CALD1: variants seen among roughly 807,000 people sequenced by gnomAD.
CALD1 encodes caldesmon 1, also known as caldesmon.
CALD1 carries 33 observed loss-of-function variants against 99.9 expected under a neutral mutation model. The observed-to-expected ratio is 0.33, with a 90% CI of 0.25 to 0.44. The LOEUF (loss-of-function observed/expected upper bound fraction) is 0.44, where lower values mean the gene tolerates loss of function less well. Ranked by LOEUF, CALD1 falls within the 20% of genes least tolerant of loss-of-function variation. The probability of loss-of-function intolerance (pLI) is 1.00; values close to 1 mark genes in which losing one functional copy is unlikely to be tolerated. For synonymous variants in CALD1, 310 were observed against 325.0 expected (o/e 0.95, Z 0.50); for missense variants, 861 against 962.1 (o/e 0.89, Z 1.39).
At chr7:134,949,633 GC>G (rs1395892823) in intron 8 of CALD1, among the ~76,000 whole-genome samples, 1 of 152,142 alleles carries the variant, frequency 6.6e-6, no homozygotes, top group Non-Finnish European at 1.5e-5. Context: ...GATTTAGATA[GC>G]TTTTCACATA....
At chr7:134,883,872 C>T (rs1175430377) in intron 3 of CALD1, among the ~76,000 whole-genome samples, 1 of 152,080 alleles carries the variant, frequency 6.6e-6, no homozygotes, top group African/African-American at 2.4e-5. Flanking sequence ...CTTTGGGAGG[C>T]CGAGGCGGGT....
chr7:134,799,474 C>A (rs1797865806), intron 1 of CALD1, among the ~76,000 whole-genome samples: 1 of 152,152 alleles, frequency 6.6e-6, no homozygotes, highest in Non-Finnish European at 1.5e-5. Context: ...TTGGTCTTTC[C>A]TGTTCCACAT....
At chr7:134,714,835 AT>A in the CALD1 span, among the ~76,000 whole-genome samples, 105 of 152,292 alleles carry the variant, frequency 6.9e-4, no homozygotes, top group Middle Eastern at 0.01. Context: ...GTAAACTGTC[AT>A]GGCACTGGCA....
chr7:134,766,605 A>G (rs1463680549), intron 1 of CALD1, among the ~76,000 whole-genome samples: 1 of 152,224 alleles, frequency 6.6e-6, no homozygotes, highest in Non-Finnish European at 1.5e-5. Flanking sequence ...GCAGCTTCAT[A>G]TGCATTTTAT....
intron 2 of CALD1, among the ~76,000 whole-genome samples, chr7:134,860,620 GA>G (rs1347883818): frequency 6.6e-6 from 1 of 152,164 alleles, no homozygotes; most frequent in Non-Finnish European, 1.5e-5. Context: ...CTCAATTGTG[GA>G]AAAATTTTTT....
intron 3 of CALD1, among the ~76,000 whole-genome samples, chr7:134,902,018 T>A (rs1028745819): frequency 1.3e-5 from 2 of 152,108 alleles, no homozygotes; most frequent in Non-Finnish European, 1.5e-5. Context: ...TGAGTATACA[T>A]ACTTCTAGAT....
At position 134,824,445 on chromosome 7, in the gene CALD1, CCTCCTTCTT is replaced by C. The variant is rs200603777; in HGVS notation, c.-129-19421_-129-19413del. 6.1e-3 allele frequency among the ~76,000 whole-genome samples: 925 copies of C among 152,032 alleles called. 5 individuals carry two copies. The highest frequency in any genetic ancestry group is 0.01 in the Non-Finnish European group (687 of 67,940). On this transcript the variant is annotated intron_variant, in intron 1 of 14. Coordinates refer to ENST00000361675, the MANE Select transcript of CALD1 (RefSeq NM_033138.4). ...ACAATCTTTACTTTTCTTTCCTCCT[CCTCCTTCTT>C]CTCCTTCTTCTCCTTCTCCTTCTTC...
intron 1 of CALD1, among the ~76,000 whole-genome samples, chr7:134,812,181 G>A (rs61445731): frequency 6.6e-6 from 1 of 152,126 alleles, no homozygotes; most frequent in Non-Finnish European, 1.5e-5. Flanking sequence ...ATTTTTTGGA[G>A]AACAAATTGT....
At chr7:134,748,760 A>G (rs1373906588) in intron 1 of CALD1, among the ~76,000 whole-genome samples, 1 of 144,734 alleles carries the variant, frequency 6.9e-6, no homozygotes, top group Non-Finnish European at 1.5e-5. Context: ...GAATTTGGGT[A>G]GAGGCAAGGG....
At chr7:134,780,141 A>C (rs1797046807) in intron 1 of CALD1, among the ~76,000 whole-genome samples, 2 of 152,246 alleles carry the variant, frequency 1.3e-5, no homozygotes, top group Admixed American at 1.3e-4. Flanking sequence ...TTATTGCCAA[A>C]GATTTGAAGA....
chr7:134,846,814 C>T (rs1294693120), intron 2 of CALD1, among the ~76,000 whole-genome samples: 1 of 152,210 alleles, frequency 6.6e-6, no homozygotes, highest in Non-Finnish European at 1.5e-5. Flanking sequence ...CCACACTTTC[C>T]TCTTTGTGTT....
chr7:134,890,592 C>G lies in CALD1; in HGVS notation c.71+22788C>G, dbSNP rs544125595. On this transcript the variant is annotated intron_variant, in intron 3 of 14. Coordinates refer to ENST00000361675, the MANE Select transcript of CALD1 (RefSeq NM_033138.4). ...TACCCAAATACCAGTCTGTTTAGTG[C>G]TCATTAGAGATGAAGAACCATATTC... Among the ~76,000 whole-genome samples the G allele has an allele frequency of 3.3e-5, 5 of 152,290 alleles. No individual in the cohort carries two copies. In the East Asian group the frequency reaches 5.8e-4, roughly 18 times the overall value.
At chr7:134,805,532 T>C (rs1468790244) in intron 1 of CALD1, among the ~76,000 whole-genome samples, 2 of 152,168 alleles carry the variant, frequency 1.3e-5, no homozygotes, top group African/African-American at 4.8e-5. Context: ...GCCCCTGCCT[T>C]ATCTGAGTTT....
chr7:134,747,460 A>G (rs1562987853), intron 1 of CALD1, among the ~76,000 whole-genome samples: 1 of 152,226 alleles, frequency 6.6e-6, no homozygotes, highest in Non-Finnish European at 1.5e-5. Context: ...AGGGTGGACT[A>G]TGTATTTCTG....
At chr7:134,810,254 C>T (rs978936159) in intron 1 of CALD1, among the ~76,000 whole-genome samples, 16 of 152,046 alleles carry the variant, frequency 1.1e-4, no homozygotes, top group Non-Finnish European at 8.8e-5. Flanking sequence ...AATCAGTGGT[C>T]GGAGATAGCA....
chr7:134,895,205 T>C (rs1802476578), intron 3 of CALD1, among the ~76,000 whole-genome samples: 1 of 152,038 alleles, frequency 6.6e-6, no homozygotes, highest in Non-Finnish European at 1.5e-5. Flanking sequence ...TATTGAGATT[T>C]GTCAAAAGTT....
At chr7:134,895,298 ATGTGTGTG>A (rs71172482) in intron 3 of CALD1, among the ~76,000 whole-genome samples, 15,081 of 138,646 alleles carry the variant, frequency 0.11, 809 homozygotes, top group African/African-American at 0.13. Flanking sequence ...TTATATATGT[ATGTGTGTG>A]TGTGTGTGTG....
intron 1 of CALD1, among the ~76,000 whole-genome samples, chr7:134,806,117 T>G (rs577829897): frequency 6.6e-6 from 1 of 152,222 alleles, no homozygotes; most frequent in Non-Finnish European, 1.5e-5. Flanking sequence ...GTCAACATTC[T>G]GAGAAGTCTT....
chr7:134,853,099 AG>A (rs1800147470), intron 2 of CALD1, among the ~76,000 whole-genome samples: 1 of 152,212 alleles, frequency 6.6e-6, no homozygotes, highest in Non-Finnish European at 1.5e-5. Context: ...AGCTGCATGA[AG>A]TTAATGTCTT....
Sources: allele counts gnomAD v4.1 joint callset (sites outside exome capture counted in the v4.1 genomes callset), GRCh38; gene constraint gnomAD v4.1.1; transcripts MANE v1.5; gene names NCBI Gene and HGNC (gene_info 2026-07-23, HGNC 2026-07-21).